The following EPHA3 variants were observed in gnomAD, a reference collection of about 807,000 sequenced individuals.
EPHA3 encodes the protein EPH receptor A3, also known as ephrin type-A receptor 3.
Under a neutral mutation model 107.1 loss-of-function variants are expected in EPHA3, and 42 were observed. The observed-to-expected ratio is 0.39, with a 90% confidence interval of 0.31 to 0.51. The LOEUF (loss-of-function observed/expected upper bound fraction) is 0.51. Among genes scored for constraint, EPHA3 ranks in the 20% least tolerant of loss-of-function variants. The pLI, the probability that EPHA3 is intolerant of heterozygous loss-of-function variation, is 0.78. For missense variants in EPHA3, 1,183 were observed against 1,211.2 expected (o/e 0.98, Z 0.35); for synonymous variants, 461 against 424.8 (o/e 1.09, Z -1.05).
chr3:89,202,529 AAAAAAATAT>A (rs1385898086), intron 2 of EPHA3, among the ~76,000 whole-genome samples: 421 of 36,788 alleles, frequency 0.011, no homozygotes, highest in Middle Eastern at 0.05. Flanking sequence ...AAAAAAAAAA[AAAAAAATAT>A]ATATATATAT....
intron 3 of EPHA3, among the ~76,000 whole-genome samples, chr3:89,257,958 T>A (rs1211261793): frequency 6.6e-6 from 1 of 152,144 alleles, no homozygotes; most frequent in East Asian, 1.9e-4. Flanking sequence ...CATAAATTTT[T>A]AAAAATTAAT....
At chr3:89,433,042 G>T (rs1255371657) in intron 13 of EPHA3, among the ~76,000 whole-genome samples, 1 of 152,062 alleles carries the variant, frequency 6.6e-6, no homozygotes, top group African/African-American at 2.4e-5. Context: ...TTGATGTCAT[G>T]ATATCTATTT....
At chr3:89,310,318 C>T (rs979827318) in intron 3 of EPHA3, among the ~76,000 whole-genome samples, 3 of 151,878 alleles carry the variant, frequency 2.0e-5, no homozygotes, top group African/African-American at 7.3e-5. Flanking sequence ...AATTGAAGAC[C>T]TTATCACAAT....
intron 5 of EPHA3, among the ~76,000 whole-genome samples, chr3:89,390,586 C>T (rs1171442572): frequency 1.3e-4 from 17 of 132,128 alleles, no homozygotes; most frequent in South Asian, 5.2e-4. Flanking sequence ...GGCAACAGAG[C>T]GAGACTCCGT....
chr3:89,289,115 A>T (rs1559633857), intron 3 of EPHA3, among the ~76,000 whole-genome samples: 3 of 152,148 alleles, frequency 2.0e-5, no homozygotes, highest in Non-Finnish European at 4.4e-5. Flanking sequence ...CAAGCTAAGG[A>T]ACTACAACAG....
At chr3:89,434,414 C>T (rs1709627440) in intron 13 of EPHA3, among the ~76,000 whole-genome samples, 1 of 152,212 alleles carries the variant, frequency 6.6e-6, no homozygotes, top group African/African-American at 2.4e-5. Context: ...GACGGGGTTA[C>T]TCCATGTTGG....
intron 3 of EPHA3, among the ~76,000 whole-genome samples, chr3:89,242,161 T>C (rs1704911252): frequency 6.6e-6 from 1 of 152,334 alleles, no homozygotes; most frequent in Non-Finnish European, 1.5e-5. Flanking sequence ...GTCTAATTGC[T>C]ACAAATGATT....
intron 3 of EPHA3, among the ~76,000 whole-genome samples, chr3:89,330,217 A>G (rs1272291592): frequency 6.6e-6 from 1 of 151,984 alleles, no homozygotes; most frequent in Admixed American, 6.6e-5. Context: ...ACAAATACTT[A>G]CCATAAACAT....
At chr3:89,369,315 G>A (rs1708247238) in intron 5 of EPHA3, among the ~76,000 whole-genome samples, 1 of 150,564 alleles carries the variant, frequency 6.6e-6, no homozygotes, top group Admixed American at 6.7e-5. Flanking sequence ...TAGATCAATG[G>A]AACAGAACAG....
rs367648271 is a variant in EPHA3 at position 89,163,375 on chromosome 3, GGGGTC to G, written c.153+36106_153+36110del. On this transcript the variant is annotated intron_variant, in intron 2 of 16. Coordinates refer to ENST00000336596, the MANE Select transcript of EPHA3 (RefSeq NM_005233.6). ...ACTAAATACTTTGCTATGATTTTGA[GGGGTC>G]GGGGGAGAAGGGAACAATAAGGAAA... 6.4e-4 allele frequency among the ~76,000 whole-genome samples: 98 copies of G among 152,164 alleles called. 1 individual carries two copies. In the East Asian group the frequency reaches 0.017, roughly 26 times the overall value.
chr3:89,316,299 T>C (rs1307482164), intron 3 of EPHA3, among the ~76,000 whole-genome samples: 19 of 151,290 alleles, frequency 1.3e-4, no homozygotes, highest in Admixed American at 1.1e-3. Flanking sequence ...TTTATCACCA[T>C]GAAAGATGCT....
chr3:89,392,695 C>G (rs901622408), intron 5 of EPHA3, among the ~76,000 whole-genome samples: 3 of 151,972 alleles, frequency 2.0e-5, no homozygotes, highest in African/African-American at 7.3e-5. Flanking sequence ...ACAGTGTACA[C>G]TGCAATATCA....
intron 7 of EPHA3, among the ~76,000 whole-genome samples, chr3:89,406,377 A>T (rs1257922130): frequency 6.6e-6 from 1 of 152,146 alleles, no homozygotes; most frequent in Non-Finnish European, 1.5e-5. Flanking sequence ...AAAGTTTGAG[A>T]AGCATTGGTC....
chr3:89,365,162 T>A (rs1559666014), intron 5 of EPHA3, among the ~76,000 whole-genome samples: 1 of 150,796 alleles, frequency 6.6e-6, no homozygotes, highest in East Asian at 1.9e-4. Context: ...AAGGTTTTCT[T>A]GAAGAGGTGG....
intron 3 of EPHA3, among the ~76,000 whole-genome samples, chr3:89,315,846 A>T (rs1265913482): frequency 6.6e-6 from 1 of 151,856 alleles, no homozygotes; most frequent in East Asian, 1.9e-4. Flanking sequence ...AGTTGACATT[A>T]TTCCTTGAGA....
At chr3:89,450,955 A>G (rs554243384) in intron 15 of EPHA3, among the ~76,000 whole-genome samples, 1 of 152,288 alleles carries the variant, frequency 6.6e-6, no homozygotes, top group Admixed American at 6.5e-5. Context: ...CTTCATGAAT[A>G]AAGAAGTCCT....
At chr3:89,181,532 A>C (rs912584027) in intron 2 of EPHA3, among the ~76,000 whole-genome samples, 16 of 151,988 alleles carry the variant, frequency 1.1e-4, no homozygotes, top group African/African-American at 3.9e-4. Context: ...AATAAATAAA[A>C]GACAATGTAA....
At chr3:89,281,046 C>CA (rs1314021853) in intron 3 of EPHA3, among the ~76,000 whole-genome samples, 4 of 99,854 alleles carry the variant, frequency 4.0e-5, no homozygotes, top group Non-Finnish European at 6.5e-5. Flanking sequence ...TTTATTATGA[C>CA]AGAGTCTCAC....
chr3:89,160,499 G>C (rs1328231253), intron 2 of EPHA3, among the ~76,000 whole-genome samples: 1 of 149,524 alleles, frequency 6.7e-6, no homozygotes, highest in Non-Finnish European at 1.5e-5. Context: ...CTGTTCATAA[G>C]TAAATAAAGC....
Sources: allele counts gnomAD v4.1 joint callset (sites outside exome capture counted in the v4.1 genomes callset), GRCh38; gene constraint gnomAD v4.1.1; transcripts MANE v1.5; gene names NCBI Gene and HGNC (gene_info 2026-07-23, HGNC 2026-07-21).